TENT2: variants seen among roughly 807,000 people sequenced by gnomAD.
TENT2 encodes poly(A) RNA polymerase GLD2.
In TENT2, 44 loss-of-function variants were observed where a neutral mutation model predicts 72.2. That is an observed-to-expected ratio of 0.61 (90% CI 0.48 to 0.78). TENT2 has a LOEUF of 0.78. TENT2 is among the 30% of genes least tolerant of loss of function. TENT2 has a pLI of 0.00. For synonymous variants in TENT2, 212 were observed against 192.5 expected (o/e 1.10, Z -0.84); for missense variants, 541 against 569.6 (o/e 0.95, Z 0.51).
chr5:79,665,424 A>G (rs1396937023), intron 11 of TENT2, among the ~76,000 whole-genome samples: 2 of 152,194 alleles, frequency 1.3e-5, no homozygotes, highest in Non-Finnish European at 2.9e-5. Flanking sequence ...GTAACGTAAG[A>G]TATCATGGGA....
chr5:79,625,986 G>A (rs1255867600), intron 4 of TENT2, among the ~76,000 whole-genome samples: 2 of 151,446 alleles, frequency 1.3e-5, no homozygotes, highest in South Asian at 2.1e-4. Flanking sequence ...GTGCCACCAC[G>A]TCTGGCTAAT....
At chr5:79,637,187 C>T (rs976674572) in intron 4 of TENT2, among the ~76,000 whole-genome samples, 3 of 151,698 alleles carry the variant, frequency 2.0e-5, no homozygotes, top group Non-Finnish European at 2.9e-5. Flanking sequence ...GCTGTGATTG[C>T]GACATTGCAC....
intron 12 of TENT2, among the ~76,000 whole-genome samples, chr5:79,673,045 T>C (rs1172788832): frequency 6.6e-6 from 1 of 152,240 alleles, no homozygotes; most frequent in East Asian, 1.9e-4. Flanking sequence ...TGATGATTAG[T>C]GATGTTGAGC....
intron 4 of TENT2, among the ~76,000 whole-genome samples, chr5:79,624,116 A>G (rs751198898): frequency 6.6e-5 from 10 of 152,158 alleles, no homozygotes; most frequent in Non-Finnish European, 1.2e-4. Context: ...ATCACCTTCT[A>G]GGTAATTGAG....
rs144551695 is a variant in TENT2 at position 79,613,318 on chromosome 5, A to C, written c.-38+243A>C. 4.6e-4 allele frequency among the ~76,000 whole-genome samples: 70 copies of C among 152,266 alleles called. 1 individual carries two copies. The highest frequency in any genetic ancestry group is 1.6e-3 in the African/African-American group (66 of 41,536). ...TAAATTACTTGTCTTATCTCTTTCA[A>C]CTCTTTGTTTAAAGTAGCAGATATT... On this transcript the variant is annotated intron_variant, in intron 1 of 14. Coordinates refer to ENST00000453514, the MANE Select transcript of TENT2 (RefSeq NM_001114394.3).
At chr5:79,655,960 A>G (rs182311825) in intron 10 of TENT2, among the ~76,000 whole-genome samples, 2 of 151,924 alleles carry the variant, frequency 1.3e-5, no homozygotes, top group African/African-American at 4.8e-5. Flanking sequence ...GGTTCATTAC[A>G]TTTACATTAA....
At chr5:79,634,284 A>G (rs554523939) in intron 4 of TENT2, among the ~76,000 whole-genome samples, 9 of 152,270 alleles carry the variant, frequency 5.9e-5, no homozygotes, top group African/African-American at 2.2e-4. Flanking sequence ...ACAAGTTACA[A>G]TATTTTTTAG....
chr5:79,638,197 A>G (rs1190969824), intron 4 of TENT2, among the ~76,000 whole-genome samples: 1 of 151,958 alleles, frequency 6.6e-6, no homozygotes, highest in African/African-American at 2.4e-5. Context: ...TACCCTCTGT[A>G]CTATTGGCAT....
intron 8 of TENT2, among the ~76,000 whole-genome samples, chr5:79,647,094 A>G (rs1367134693): frequency 1.3e-5 from 2 of 152,080 alleles, no homozygotes; most frequent in Admixed American, 6.6e-5. Context: ...ACAGAACCAT[A>G]TCTCATGAAT....
intron 4 of TENT2, among the ~76,000 whole-genome samples, chr5:79,625,569 G>T (rs557269088): frequency 6.6e-6 from 1 of 152,030 alleles, no homozygotes; most frequent in East Asian, 1.9e-4. Flanking sequence ...GTTATTCTGA[G>T]TTTTATAGTT....
At chr5:79,646,450 G>A (rs1789098906) in intron 8 of TENT2, among the ~76,000 whole-genome samples, 1 of 152,128 alleles carries the variant, frequency 6.6e-6, no homozygotes, top group South Asian at 2.1e-4. Flanking sequence ...TTCAGTGTTT[G>A]CAGCAACTTT....
chr5:79,661,119 A>G (rs1294576580), intron 11 of TENT2, among the ~76,000 whole-genome samples: 2 of 152,216 alleles, frequency 1.3e-5, no homozygotes, highest in African/African-American at 2.4e-5. Flanking sequence ...CTAAAAGTTA[A>G]AAAGTTTTTA....
chr5:79,685,039 C>T (rs1193926588), intron 14 of TENT2, among the ~76,000 whole-genome samples, 160 bp from the exon 15 acceptor site: 3 of 152,112 alleles, frequency 2.0e-5, no homozygotes, highest in Non-Finnish European at 4.4e-5. Flanking sequence ...GCTTGGGTGG[C>T]AGAGTGAGAC....
chr5:79,621,575 A>T lies in TENT2; in HGVS notation c.227+1492A>T, dbSNP rs188098224. 7.9e-5 allele frequency among the ~76,000 whole-genome samples: 12 copies of T among 151,796 alleles called. No homozygotes were observed. The East Asian group carries it at 2.2e-3, about 27-fold the overall frequency. On this transcript the variant is annotated intron_variant, in intron 3 of 14. Coordinates refer to ENST00000453514, the MANE Select transcript of TENT2 (RefSeq NM_001114394.3). ...AGATCGAGACCATCCTGGCTAACAC[A>T]GTGAAACCCCATCTCTACTAAAAAT...
rs1451824350 is a variant in TENT2 at position 79,663,514 on chromosome 5, G to T, written c.1072-5378G>T. Among the ~76,000 whole-genome samples the T allele has an allele frequency of 3.3e-5, 5 of 152,114 alleles. No homozygotes were observed. In the East Asian group the frequency reaches 9.7e-4, roughly 29 times the overall value. ...TAATTGGCCTAATTTCAGTATTGTT[G>T]CATCTCAGAGAATAAATAGGGAGAC... On this transcript the variant is annotated intron_variant, in intron 11 of 14. Coordinates refer to ENST00000453514, the MANE Select transcript of TENT2 (RefSeq NM_001114394.3).
intron 4 of TENT2, among the ~76,000 whole-genome samples, chr5:79,633,432 GTTTTTTTTT>G (rs539713889): frequency 1.6e-4 from 13 of 80,350 alleles, no homozygotes; most frequent in Non-Finnish European, 2.8e-4. Flanking sequence ...CAGCTAAAAA[GTTTTTTTTT>G]TTTTTTTTTT....
intron 3 of TENT2, among the ~76,000 whole-genome samples, chr5:79,622,174 G>A (rs1765621244): frequency 6.6e-6 from 1 of 151,774 alleles, no homozygotes; most frequent in African/African-American, 2.4e-5. Context: ...CGTGGCGGGC[G>A]CCTGTAGTCC....
At chr5:79,630,084 A>G (rs1774027495) in intron 4 of TENT2, among the ~76,000 whole-genome samples, 1 of 152,090 alleles carries the variant, frequency 6.6e-6, no homozygotes, top group Non-Finnish European at 1.5e-5. Flanking sequence ...GCAGTGAGCC[A>G]ACATCGCGTC....
chr5:79,661,381 A>G lies in TENT2; in HGVS notation c.1071+4380A>G, dbSNP rs894537042. On this transcript the variant is annotated intron_variant, in intron 11 of 14. Transcript: ENST00000453514. ...TTTAGTGTACCTTTTCTATTTTTAG[A>G]TATGTTTAGATCCACACATACTTAT... Among the ~76,000 whole-genome samples, 8 of 151,944 alleles carry G rather than the reference A, an allele frequency of 5.3e-5. No individual in the cohort carries two copies. In the South Asian group the frequency reaches 6.2e-4, roughly 12 times the overall value.
Sources: allele counts gnomAD v4.1 joint callset (sites outside exome capture counted in the v4.1 genomes callset), GRCh38; gene constraint gnomAD v4.1.1; transcripts MANE v1.5; gene names NCBI Gene and HGNC (gene_info 2026-07-23, HGNC 2026-07-21).